Variants in TENM2 observed in about 807,000 individuals in gnomAD.
TENM2 encodes teneurin-2.
Under a neutral mutation model 245.2 loss-of-function variants are expected in TENM2, and 52 were observed. The observed-to-expected ratio is 0.21, with a 90% CI of 0.17 to 0.27. The LOEUF is 0.27. Among genes scored for constraint, TENM2 ranks in the 10% least tolerant of loss-of-function variants. TENM2 has a pLI of 1.00. For synonymous variants in TENM2, 1,363 were observed against 1,438.9 expected, an observed-to-expected ratio of 0.95 and a Z score of 1.19; for missense variants, 3,046 against 3,666.8, an observed-to-expected ratio of 0.83 and a Z score of 4.37.
chr5:167,909,768 A>G (rs1776404792), intron 3 of TENM2, among the ~76,000 whole-genome samples: 1 of 152,206 alleles, frequency 6.6e-6, no homozygotes, highest in Non-Finnish European at 1.5e-5. Context: ...TTGAACAAGT[A>G]GTTTTATTTT....
the TENM2 span, among the ~76,000 whole-genome samples, chr5:167,266,129 C>T: frequency 1.1e-4 from 17 of 152,252 alleles, no homozygotes; most frequent in Non-Finnish European, 5.9e-5. Flanking sequence ...CCTCTTCTTT[C>T]GGCGTCTCTT....
chr5:167,141,392 G>T, the TENM2 span, among the ~76,000 whole-genome samples: 2 of 152,046 alleles, frequency 1.3e-5, no homozygotes, highest in African/African-American at 4.8e-5. Context: ...AAGAAAAAAT[G>T]ACTATCATTC....
At chr5:167,588,237 C>T (rs1775637200) in intron 2 of TENM2, among the ~76,000 whole-genome samples, 1 of 152,198 alleles carries the variant, frequency 6.6e-6, no homozygotes. Flanking sequence ...TCCTTGTCTC[C>T]GTATTCAAAA....
At chr5:167,452,929 A>ATTT (rs371899017) in intron 2 of TENM2, among the ~76,000 whole-genome samples, 9 of 67,268 alleles carry the variant, frequency 1.3e-4, no homozygotes, top group Admixed American at 4.0e-4. Context: ...TTAAAGTATG[A>ATTT]TTTATATATA....
chr5:167,816,269 C>T (rs562606621), intron 2 of TENM2, among the ~76,000 whole-genome samples: 2 of 152,178 alleles, frequency 1.3e-5, no homozygotes, highest in East Asian at 3.9e-4. Flanking sequence ...GATCTCTCTA[C>T]CTGCTTCTTT....
intron 5 of TENM2, among the ~76,000 whole-genome samples, chr5:168,027,153 C>T (rs1018790599): frequency 5.3e-5 from 8 of 152,140 alleles, no homozygotes; most frequent in Non-Finnish European, 1.0e-4. Flanking sequence ...ACACTCCCCA[C>T]GCTGTGGAGA....
intron 9 of TENM2, among the ~76,000 whole-genome samples, chr5:168,116,388 G>A (rs78472164): frequency 3.3e-5 from 5 of 152,220 alleles, no homozygotes; most frequent in Admixed American, 1.3e-4. Flanking sequence ...CCCCTCAATC[G>A]TATGTCAACT....
At chr5:167,008,038 C>T in the TENM2 span, among the ~76,000 whole-genome samples, 1 of 152,196 alleles carries the variant, frequency 6.6e-6, no homozygotes, top group African/African-American at 2.4e-5. Context: ...GCCTCCCTCC[C>T]TTCCCCGTTC....
chr5:168,090,928 G>T (rs1792887348), intron 8 of TENM2, among the ~76,000 whole-genome samples, 159 bp downstream of exon 10: 1 of 152,140 alleles, frequency 6.6e-6, no homozygotes, highest in Admixed American at 6.6e-5. Flanking sequence ...CCTGAAACTA[G>T]CTCTGATTAA....
chr5:168,069,881 T>C (rs916922777), intron 7 of TENM2, among the ~76,000 whole-genome samples: 1 of 152,104 alleles, frequency 6.6e-6, no homozygotes, highest in Non-Finnish European at 1.5e-5. Context: ...AGGAAAGCCT[T>C]GGTAAATATG....
At chr5:167,382,432 C>T (rs933483161) in intron 2 of TENM2, among the ~76,000 whole-genome samples, 3 of 152,130 alleles carry the variant, frequency 2.0e-5, no homozygotes, top group Non-Finnish European at 2.9e-5. Context: ...GAGTCAGAAA[C>T]AAACAGAACA....
chr5:168,144,254 T>C (rs1755837826), intron 12 of TENM2, among the ~76,000 whole-genome samples: 1 of 152,110 alleles, frequency 6.6e-6, no homozygotes, highest in Admixed American at 6.5e-5. Flanking sequence ...TATGTATACA[T>C]GTGGCATGCT....
the TENM2 span, among the ~76,000 whole-genome samples, chr5:167,271,891 G>C: frequency 6.6e-6 from 1 of 152,092 alleles, no homozygotes; most frequent in Non-Finnish European, 1.5e-5. Flanking sequence ...AATTTCCTTT[G>C]ACCTCTTATT....
chr5:168,213,227 G>T (rs1282734749), intron 20 of TENM2, among the ~76,000 whole-genome samples: 1 of 152,194 alleles, frequency 6.6e-6, no homozygotes, highest in African/African-American at 2.4e-5. Flanking sequence ...CTACGCTTTA[G>T]TTATCTGGGC....
At chr5:167,164,017 G>A in the TENM2 span, among the ~76,000 whole-genome samples, 1 of 152,160 alleles carries the variant, frequency 6.6e-6, no homozygotes, top group Non-Finnish European at 1.5e-5. Context: ...CCACTTTAGT[G>A]CGTGAGTGCA....
At chr5:168,064,729 G>A (rs1049995932) in intron 7 of TENM2, among the ~76,000 whole-genome samples, 1 of 152,216 alleles carries the variant, frequency 6.6e-6, no homozygotes, top group Non-Finnish European at 1.5e-5. Context: ...ATAGGCATGG[G>A]CTGATGTGTG....
At chr5:167,579,737 G>A (rs1774958587) in intron 2 of TENM2, among the ~76,000 whole-genome samples, 1 of 152,104 alleles carries the variant, frequency 6.6e-6, no homozygotes, top group African/African-American at 2.4e-5. Flanking sequence ...CGAGCCTGAT[G>A]GTCAAAGACA....
At chr5:167,068,760 G>T in the TENM2 span, among the ~76,000 whole-genome samples, 8 of 151,994 alleles carry the variant, frequency 5.3e-5, no homozygotes, top group Admixed American at 2.6e-4. Context: ...TTAGTTGACT[G>T]GTTTTGGTAT....
chr5:167,474,958 C>CT (rs1417404123), intron 2 of TENM2, among the ~76,000 whole-genome samples: 1 of 152,084 alleles, frequency 6.6e-6, no homozygotes, highest in East Asian at 1.9e-4. Context: ...AGTGAACCAC[C>CT]AAAAGTTTGC....
Sources: allele counts gnomAD v4.1 joint callset (sites outside exome capture counted in the v4.1 genomes callset), GRCh38; gene constraint gnomAD v4.1.1; transcripts MANE v1.5; gene names NCBI Gene and HGNC (gene_info 2026-07-23, HGNC 2026-07-21).